Variants in TP63 observed in about 807,000 individuals in gnomAD.
TP63 encodes tumor protein 63.
A neutral mutation model predicts 82.8 loss-of-function variants in TP63; 17 were observed. That is an observed-to-expected ratio of 0.21 (90% CI 0.14 to 0.31). The LOEUF is 0.31. TP63 is among the 10% of genes least tolerant of loss of function. The pLI is 1.00. For synonymous variants in TP63, 330 were observed against 321.7 expected (o/e 1.03, Z -0.28); for missense variants, 648 against 895.3 (o/e 0.72, Z 3.52).
intron 1 of TP63, among the ~76,000 whole-genome samples, chr3:189,642,438 A>G (rs1208589553): frequency 6.6e-6 from 1 of 152,140 alleles, no homozygotes; most frequent in Non-Finnish European, 1.5e-5. Flanking sequence ...TTTCTAACCA[A>G]CAGACAATAG....
chr3:189,757,018 T>C (rs1722234894), intron 3 of TP63, among the ~76,000 whole-genome samples: 1 of 152,234 alleles, frequency 6.6e-6, no homozygotes, highest in Admixed American at 6.5e-5. Context: ...CTCATGCTAT[T>C]AGTCATCTGT....
intron 3 of TP63, among the ~76,000 whole-genome samples, chr3:189,801,776 A>G (rs1726332279): frequency 6.6e-6 from 1 of 152,228 alleles, no homozygotes; most frequent in Non-Finnish European, 1.5e-5. Flanking sequence ...AGAACACAGG[A>G]CATCTAGTGA....
intron 1 of TP63, among the ~76,000 whole-genome samples, chr3:189,665,014 T>C (rs184863194): frequency 1.3e-5 from 2 of 152,296 alleles, no homozygotes; most frequent in Non-Finnish European, 2.9e-5. Context: ...GACTTATAAC[T>C]AAGTAAAAAT....
intron 1 of TP63, among the ~76,000 whole-genome samples, chr3:189,632,354 TGA>T (rs2108602552): frequency 6.6e-6 from 1 of 152,216 alleles, no homozygotes; most frequent in African/African-American, 2.4e-5. Flanking sequence ...TTGAAAATGG[TGA>T]GGTTACAAAG....
chr3:189,680,148 C>T (rs1003469440), intron 1 of TP63, among the ~76,000 whole-genome samples: 1 of 151,738 alleles, frequency 6.6e-6, no homozygotes, highest in African/African-American at 2.4e-5. Flanking sequence ...CATTGGAATT[C>T]TGGTAGGGAT....
chr3:189,729,955 A>G (rs1233555049), intron 1 of TP63, among the ~76,000 whole-genome samples: 1 of 152,224 alleles, frequency 6.6e-6, no homozygotes, highest in East Asian at 1.9e-4. Context: ...TAGTAATGGC[A>G]GGGTAAATTC....
rs756839728 is a variant in TP63, at chr3:189,866,756, A to G, written c.841A>G (p.Thr281Ala). 6.2e-7 allele frequency: 1 copy of G among 1,614,128 alleles called. No homozygotes were observed. Among genetic ancestry groups the G allele is most frequent in the South Asian group, 1.1e-5 (1 of 91,074 alleles). Residue 281 changes from threonine to alanine, a missense_variant, in exon 6 of 14, where the codon ACA becomes GCA. By Grantham distance (58) the Thr-to-Ala change is moderately conservative. Transcript: ENST00000264731. Reference sequence around the variant, plus strand: ...TGCCCAGTATGTAGAAGATCCCATCACAGGAAGACAGAGTGTGCTGGTACC... The same window carrying G: ...TGCCCAGTATGTAGAAGATCCCATCGCAGGAAGACAGAGTGTGCTGGTACC... ...SHAQYVEDPI[T>A]GRQSVLVPYE...
At chr3:189,861,779 T>C (rs1298215434) in intron 4 of TP63, among the ~76,000 whole-genome samples, 2 of 152,168 alleles carry the variant, frequency 1.3e-5, no homozygotes, top group African/African-American at 4.8e-5. Context: ...AAGGTAAACA[T>C]TTGCATGGCT....
intron 4 of TP63, among the ~76,000 whole-genome samples, chr3:189,830,932 T>G (rs1455069807): frequency 3.3e-5 from 5 of 152,146 alleles, no homozygotes; most frequent in African/African-American, 9.7e-5. Flanking sequence ...GTAGGATTAT[T>G]TAAGGTTTGC....
the TP63 span, among the ~76,000 whole-genome samples, chr3:189,598,831 G>A: frequency 6.6e-6 from 1 of 152,332 alleles, no homozygotes; most frequent in South Asian, 2.1e-4. Flanking sequence ...TGTAGAGACA[G>A]AAATCAGAAT....
chr3:189,825,868 G>T (rs1346620670), intron 4 of TP63, among the ~76,000 whole-genome samples: 1 of 152,174 alleles, frequency 6.6e-6, no homozygotes, highest in Non-Finnish European at 1.5e-5. Flanking sequence ...GGTATGCGCT[G>T]TAATTTGTAC....
At chr3:189,856,510 G>A (rs16864850) in intron 4 of TP63, among the ~76,000 whole-genome samples, 40,049 of 151,698 alleles carry the variant, frequency 0.26, 5,577 homozygotes, top group South Asian at 0.34. Context: ...ACCCTGGTTT[G>A]ATTATTGCAG....
Position 189,797,313 on chromosome 3 carries a change from C to T in TP63, c.325-10959C>T, listed in dbSNP as rs887640211. On this transcript the variant is annotated intron_variant, in intron 3 of 13. Coordinates refer to ENST00000264731, the MANE Select transcript of TP63 (RefSeq NM_003722.5). ...TTGGTGCTAAAGCCACTAATAGGTG[C>T]AGTTTAGTATAATACCCCTATGAGA... Among the ~76,000 whole-genome samples the T allele has an allele frequency of 7.2e-5, 11 of 152,106 alleles. No individual in the cohort carries two copies. In the South Asian group the frequency reaches 1.2e-3, roughly 17 times the overall value.
At position 189,894,512 on chromosome 3, in the gene TP63, T is replaced by C. The variant is rs749897335; in HGVS notation, c.*10T>C. 4.3e-6 allele frequency: 7 copies of C among 1,612,254 alleles called. No individual in the cohort carries two copies. In the Admixed American group the frequency reaches 6.7e-5, roughly 15 times the overall value. The stretch of plus-strand genomic sequence containing the variant: ...AGAGGAGGGGGAGTGAGCCTCACCA[T>C]GTGAGCTCTTCCTATCCCTCTCCTA... On this transcript the variant is annotated 3_prime_UTR_variant, in exon 14 of 14. Coordinates refer to ENST00000264731, the MANE Select transcript of TP63 (RefSeq NM_003722.5).
chr3:189,741,871 T>TAC (rs1415850508), intron 3 of TP63, among the ~76,000 whole-genome samples: 1 of 152,124 alleles, frequency 6.6e-6, no homozygotes, highest in Non-Finnish European at 1.5e-5. Flanking sequence ...TAAGTAAAGG[T>TAC]GAGTGGAGGC....
At chr3:189,706,374 A>G (rs1230901727) in intron 1 of TP63, among the ~76,000 whole-genome samples, 2 of 152,094 alleles carry the variant, frequency 1.3e-5, no homozygotes, top group African/African-American at 4.8e-5. Context: ...CTCCTGCCTC[A>G]GCCTCCCAAG....
At chr3:189,880,326 C>G (rs1444271394) in intron 10 of TP63, 12 of 1,303,248 alleles carry the variant, frequency 9.2e-6, no homozygotes, top group Admixed American at 3.4e-5. Context: ...CTCAAAGGCA[C>G]AAAGCCACTA....
intron 4 of TP63, among the ~76,000 whole-genome samples, chr3:189,832,528 C>G (rs985749982): frequency 1.3e-5 from 2 of 152,110 alleles, no homozygotes; most frequent in African/African-American, 2.4e-5. Context: ...TGACTTATTC[C>G]TTCATTTTTT....
chr3:189,875,637 T>TATATATAAAC, intron 10 of TP63, among the ~76,000 whole-genome samples: 1 of 128,826 alleles, frequency 7.8e-6, no homozygotes, highest in African/African-American at 2.9e-5. Flanking sequence ...TATATATATA[T>TATATATAAAC]AAACTATTCT....
Sources: allele counts gnomAD v4.1 joint callset (sites outside exome capture counted in the v4.1 genomes callset), GRCh38; gene constraint gnomAD v4.1.1; transcripts MANE v1.5; gene names NCBI Gene and HGNC (gene_info 2026-07-23, HGNC 2026-07-21).